The following F11 variants were observed in gnomAD, a reference collection of about 807,000 sequenced individuals.
The protein encoded by F11 is coagulation factor XI, also known as coagualtion factor XI.
In F11, 78 loss-of-function variants were observed where a neutral mutation model predicts 76.5. The ratio of observed to expected loss-of-function variants is 1.02; its 90% CI spans 0.85 to 1.23. The LOEUF (loss-of-function observed/expected upper bound fraction) is 1.23. Ranked by LOEUF, F11 falls within the 50% of genes most tolerant of loss-of-function variation. F11 has a pLI of 0.00. For missense variants in F11, 742 were observed against 771.4 expected (o/e 0.96, Z 0.45); for synonymous variants, 278 against 276.3 (o/e 1.01, Z -0.06).
chr4:186,276,884 C>T (rs570810052), intron 7 of F11, among the ~76,000 whole-genome samples: 7 of 152,016 alleles, frequency 4.6e-5, no homozygotes, highest in African/African-American at 1.7e-4. Flanking sequence ...CCACCGTGCC[C>T]GGCCAGTAAA....
chr4:186,282,887 C>T, intron 10 of F11: 4 of 985,372 alleles, frequency 4.1e-6, no homozygotes, highest in East Asian at 1.1e-4. Flanking sequence ...CAGAATTATA[C>T]ACTCATTTTC....
rs773581347 is a variant in F11 at position 186,288,487 on chromosome 4, A to G, written c.1751A>G (p.Asn584Ser). The G allele has an allele frequency of 1.4e-5, 23 of 1,613,960 alleles. No individual in the cohort carries two copies. The highest frequency in any genetic ancestry group is 1.9e-5 in the Non-Finnish European group (22 of 1,180,004). Reference sequence around the variant, plus strand: ...GGAGGCCCTCTGTCCTGCAAACACAATGAGGTCTGGCATCTGGTAGGCATC... The same window carrying G: ...GGAGGCCCTCTGTCCTGCAAACACAGTGAGGTCTGGCATCTGGTAGGCATC... ...DSGGPLSCKHNEVWHLVGITS... is the reference protein window; with the variant it reads ...DSGGPLSCKHSEVWHLVGITS... The change falls in exon 15 of 15, where the codon AAT becomes AGT. Residue 584 changes from asparagine to serine, a missense_variant. Coordinates refer to ENST00000403665, the MANE Select transcript of F11 (RefSeq NM_000128.4).
At chr4:186,268,399 G>T (rs573530037) in intron 2 of F11, among the ~76,000 whole-genome samples, 113 of 152,274 alleles carry the variant, frequency 7.4e-4, no homozygotes, top group South Asian at 1.7e-3. Flanking sequence ...AGATATCAAG[G>T]AATGATAGTG....
downstream of F11, among the ~76,000 whole-genome samples, chr4:186,290,565 T>G (rs547048471): frequency 1.2e-4 from 18 of 152,366 alleles, no homozygotes; most frequent in Admixed American, 7.2e-4. Context: ...AAGCATATTA[T>G]TTGAGAAAAA....
At chr4:186,270,575 A>C (rs1265673538) in intron 2 of F11, among the ~76,000 whole-genome samples, 2 of 152,048 alleles carry the variant, frequency 1.3e-5, no homozygotes, top group Non-Finnish European at 2.9e-5. Context: ...TGGCATATTG[A>C]AAATCAATTT....
intron 7 of F11, 128 bp downstream of exon 7, chr4:186,276,518 T>C: frequency 9.6e-7 from 1 of 1,044,178 alleles, no homozygotes; most frequent in Non-Finnish European, 1.4e-6. Flanking sequence ...TTGCAAAGAA[T>C]TTCTAGCCCC....
rs1360920783 is a variant in F11, at chr4:186,283,009, C to T, written c.1136-1083C>T. 4.1e-6 allele frequency: 4 copies of T among 985,284 alleles called. No homozygotes were observed. The African/African-American group carries it at 7.0e-5, about 17-fold the overall frequency. The allele number at this position is 985,284 out of a possible 1,614,324, so 61.0% of individuals were successfully genotyped here. A position where few individuals can be genotyped will look rare whatever the true frequency, so the allele number is the denominator to read the frequency against. Reference sequence around the variant, plus strand: ...GATTCTTCTGTTAACTTAGACTCCTCCCTTAGCTCAGGACGCGGAGCCTTC... The same window carrying T: ...GATTCTTCTGTTAACTTAGACTCCTTCCTTAGCTCAGGACGCGGAGCCTTC... On this transcript the variant is annotated intron_variant, in intron 10 of 14. Coordinates refer to ENST00000403665, the MANE Select transcript of F11 (RefSeq NM_000128.4).
Position 186,271,762 on chromosome 4 carries a change from C to T in F11, c.209C>T (p.Pro70Leu), listed in dbSNP as rs766389425. The T allele has an allele frequency of 6.2e-7, 1 of 1,614,012 alleles. No homozygotes were observed. Among genetic ancestry groups the T allele is most frequent in the Non-Finnish European group, 8.5e-7 (1 of 1,180,022 alleles). The change falls in exon 3 of 15, where the codon CCC becomes CTC. Residue 70 changes from proline to leucine, a missense_variant. Transcript: ENST00000403665. ...TFTAESPSED[P>L]TRWFTCVLKD... Reference sequence around the variant, plus strand: ...ACGGCGGAATCACCATCTGAGGATCCCACCCGATGGTAAATGCTTATGTTT... The same window carrying T: ...ACGGCGGAATCACCATCTGAGGATCTCACCCGATGGTAAATGCTTATGTTT...
Position 186,273,239 on chromosome 4 carries a change from A to G in F11, c.325+62A>G, listed in dbSNP as rs528509735. 1.2e-4 allele frequency: 157 copies of G among 1,312,522 alleles called. 1 individual carries two copies. In the South Asian group the frequency reaches 1.8e-3, roughly 15 times the overall value. 81.3% of individuals were successfully genotyped at this position (1,312,522 alleles called of 1,614,324 possible). ...TGATGTACACATATCGCCACATCGG[A>G]TGTGGTTTTAAGGCTATGAAATGAA... On this transcript the variant is annotated intron_variant, in intron 4 of 14. Coordinates refer to ENST00000403665, the MANE Select transcript of F11 (RefSeq NM_000128.4).
In F11 at chr4:186,288,515, G is replaced by T; in HGVS notation, c.1779G>T (p.Thr593=). ...HNEVWHLVGI[T]SWGEGCAQRE... ...AGGTCTGGCATCTGGTAGGCATCAC[G>T]AGCTGGGGCGAAGGCTGTGCTCAAA... The change falls in exon 15 of 15, where the codon ACG becomes ACT. Residue 593 remains threonine (T), a synonymous_variant. Coordinates refer to ENST00000403665, the MANE Select transcript of F11 (RefSeq NM_000128.4). 6.2e-7 allele frequency: 1 copy of T among 1,614,190 alleles called. No individual in the cohort carries two copies. Among genetic ancestry groups the T allele is most frequent in the Non-Finnish European group, 8.5e-7 (1 of 1,180,038 alleles).
At chr4:186,282,484 T>G in intron 10 of F11, 1 of 985,384 alleles carries the variant, frequency 1.0e-6, no homozygotes, top group Non-Finnish European at 1.2e-6. Context: ...TAACTTAACT[T>G]TCTGAAGATA....
intron 1 of F11, among the ~76,000 whole-genome samples, 171 bp from the exon 2 acceptor site, chr4:186,266,965 G>A (rs565514328): frequency 7.7e-6 from 1 of 130,058 alleles, no homozygotes; most frequent in East Asian, 2.3e-4. Context: ...GTCACACTAA[G>A]GAATGCTCCA....
At position 186,284,152 on chromosome 4, in the gene F11, G is replaced by A. The variant is rs1561489647; in HGVS notation, c.1196G>A (p.Trp399Ter). The change falls in exon 11 of 15, where the codon TGG becomes TAG. Residue 399 changes from tryptophan (W) to a stop codon, truncating the protein, a stop_gained. Transcript: ENST00000403665. LOFTEE classifies it high-confidence loss of function. ...GGAACTGCGTCTGTTCGTGGTGAGT[G>A]GCCGTGGCAGGTGACCCTGCACACA... ...VGGTASVRGE[W>*]PWQVTLHTTS... The A allele has an allele frequency of 1.2e-6, 2 of 1,614,210 alleles. No individual in the cohort carries two copies. Among genetic ancestry groups the A allele is most frequent in the Admixed American group, 1.7e-5 (1 of 60,026 alleles).
At chr4:186,281,026 G>A (rs1247516837) in intron 10 of F11, among the ~76,000 whole-genome samples, 6 of 151,666 alleles carry the variant, frequency 4.0e-5, no homozygotes, top group Non-Finnish European at 5.9e-5. Flanking sequence ...CACAACACTC[G>A]GCTAATTTGT....
intron 11 of F11, among the ~76,000 whole-genome samples, chr4:186,285,170 T>C (rs1245288169): frequency 6.6e-6 from 1 of 152,182 alleles, no homozygotes; most frequent in East Asian, 1.9e-4. Context: ...TTTTCTTTTT[T>C]AATCAATCTG....
At chr4:186,283,964 T>C in intron 10 of F11, 128 bp from the exon 11 acceptor site, 1 of 1,450,654 alleles carries the variant, frequency 6.9e-7, no homozygotes, top group Non-Finnish European at 9.6e-7. Context: ...GATTATAAAG[T>C]CTCTGTAACT....
chr4:186,270,592 TA>T (rs1378566167), intron 2 of F11, among the ~76,000 whole-genome samples: 5 of 152,026 alleles, frequency 3.3e-5, no homozygotes, highest in Non-Finnish European at 7.4e-5. Context: ...ATTTGTCTTG[TA>T]AAATTAAATA....
chr4:186,272,893 A>G (rs1561480900), intron 3 of F11, 178 bp from the exon 4 acceptor site: 3 of 567,258 alleles, frequency 5.3e-6, no homozygotes, highest in Non-Finnish European at 9.5e-6. Flanking sequence ...CAGTCTCTTA[A>G]GTGTAGGGAT....
chr4:186,269,254 A>C (rs573140218), intron 2 of F11, among the ~76,000 whole-genome samples: 22 of 152,160 alleles, frequency 1.4e-4, no homozygotes, highest in Admixed American at 1.3e-3. Context: ...GTACATACCG[A>C]AAAAAAAGAA....
Sources: gnomAD v4.1 joint callset for allele counts (sites outside exome capture counted in the v4.1 genomes callset) on GRCh38, gnomAD v4.1.1 for gene constraint, MANE v1.5 for transcripts, NCBI Gene and HGNC (gene_info 2026-07-23, HGNC 2026-07-21) for gene names.